FUT8: variants seen among roughly 807,000 people sequenced by gnomAD.
FUT8 encodes alpha-(1,6)-fucosyltransferase.
A neutral mutation model predicts 71.3 loss-of-function variants in FUT8; 29 were observed. The observed-to-expected ratio is 0.41, with a 90% CI of 0.30 to 0.55. FUT8 has a LOEUF of 0.55. FUT8 is among the 20% of genes least tolerant of loss of function. The pLI is 0.34. For synonymous variants in FUT8, 254 were observed against 239.3 expected, an observed-to-expected ratio of 1.06 and a Z score of -0.57; for missense variants, 544 against 702.1, an observed-to-expected ratio of 0.77 and a Z score of 2.55.
At chr14:65,450,169 A>G (rs1304042973) in intron 1 of FUT8, among the ~76,000 whole-genome samples, 1 of 152,024 alleles carries the variant, frequency 6.6e-6, no homozygotes, top group Non-Finnish European at 1.5e-5. Flanking sequence ...TTCTTTCCTC[A>G]TCTAGGGTAC....
At chr14:65,357,565 A>G in the FUT8 span, among the ~76,000 whole-genome samples, 1 of 152,178 alleles carries the variant, frequency 6.6e-6, no homozygotes, top group African/African-American at 2.4e-5. Context: ...ACACATCTCC[A>G]TCATAGGCTT....
In FUT8 at chr14:65,503,738, T is replaced by C. The variant is rs185873178; in HGVS notation, c.-228+48020T>C. The stretch of plus-strand genomic sequence containing the variant: ...TTTGTCTGTTGATACTATGTGAATG[T>C]TATCCTTAAGTTTTTAATTCAGGCT... On this transcript the variant is annotated intron_variant, in intron 2 of 10. Transcript: ENST00000673929. Among the ~76,000 whole-genome samples the C allele has an allele frequency of 1.2e-4, 18 of 152,322 alleles. 1 individual carries two copies. In the South Asian group the frequency reaches 1.9e-3, roughly 16 times the overall value.
intron 5 of FUT8, chr14:65,617,339 G>A: frequency 1.1e-6 from 1 of 917,042 alleles, no homozygotes; most frequent in Non-Finnish European, 1.5e-6. Flanking sequence ...TGATAGCATG[G>A]ATTTCAAGGG....
intron 7 of FUT8, among the ~76,000 whole-genome samples, chr14:65,714,449 T>G (rs1566911545): frequency 6.6e-6 from 1 of 151,098 alleles, no homozygotes; most frequent in African/African-American, 2.4e-5. Flanking sequence ...ATTTATTTAT[T>G]TATTTATTTA....
rs554956920 is a variant in FUT8, at chr14:65,670,532, A to G, written c.835+1052A>G. Among the ~76,000 whole-genome samples the G allele has an allele frequency of 4.9e-4, 74 of 152,302 alleles. No homozygotes were observed. In the South Asian group the frequency reaches 0.015, roughly 31 times the overall value. On this transcript the variant is annotated intron_variant, in intron 7 of 10. Transcript: ENST00000673929. ...TAAGTGATCAGGATAAATACTAAGC[A>G]AGACAGTACACATCCTCTGCACTCA...
the FUT8 span, among the ~76,000 whole-genome samples, chr14:65,370,512 G>A: frequency 6.6e-6 from 1 of 150,998 alleles, no homozygotes; most frequent in Non-Finnish European, 1.5e-5. Flanking sequence ...CCGGCCACAC[G>A]TAGTCTTTTT....
chr14:65,420,801 A>T (rs922999177), intron 1 of FUT8, among the ~76,000 whole-genome samples: 5 of 152,178 alleles, frequency 3.3e-5, no homozygotes, highest in African/African-American at 1.2e-4. Context: ...ACTACTGTTG[A>T]CTTCCAGCCT....
chr14:65,422,969 T>G (rs2065321501), intron 1 of FUT8, among the ~76,000 whole-genome samples: 1 of 149,088 alleles, frequency 6.7e-6, no homozygotes, highest in African/African-American at 2.5e-5. Flanking sequence ...CCTCAGTGAT[T>G]TTCTTTCTTT....
chr14:65,384,076 T>A, the FUT8 span, among the ~76,000 whole-genome samples: 1 of 147,690 alleles, frequency 6.8e-6, no homozygotes, highest in Non-Finnish European at 1.5e-5. The surrounding 1 kb of genome is among the most constrained non-coding windows in gnomAD (Gnocchi z 4.2). Flanking sequence ...CTCCAGCCAG[T>A]GTCTTTCACT....
At chr14:65,631,126 A>G (rs1479724629) in intron 6 of FUT8, among the ~76,000 whole-genome samples, 3 of 152,326 alleles carry the variant, frequency 2.0e-5, no homozygotes, top group Non-Finnish European at 4.4e-5. Flanking sequence ...GAAACACTTC[A>G]CCTCCTGTAG....
chr14:65,575,771 G>T (rs1161273967), intron 3 of FUT8, among the ~76,000 whole-genome samples: 1 of 151,874 alleles, frequency 6.6e-6, no homozygotes, highest in Non-Finnish European at 1.5e-5. Context: ...GGTGCGCGTT[G>T]CTGTGGCCTG....
intron 1 of FUT8, among the ~76,000 whole-genome samples, chr14:65,435,828 G>A (rs2065547932): frequency 6.7e-6 from 1 of 148,868 alleles, no homozygotes; most frequent in Admixed American, 6.7e-5. Context: ...TCTTATAATA[G>A]GTGTATAGTT....
chr14:65,618,350 TTTG>T (rs928037386), intron 5 of FUT8, among the ~76,000 whole-genome samples: 99 of 152,122 alleles, frequency 6.5e-4, no homozygotes, highest in African/African-American at 2.2e-3. Flanking sequence ...AGTTTTCCAT[TTTG>T]TTGTTGTTGT....
chr14:65,547,349 C>G (rs144087847), intron 2 of FUT8, among the ~76,000 whole-genome samples: 1 of 151,516 alleles, frequency 6.6e-6, no homozygotes, highest in East Asian at 1.9e-4. Flanking sequence ...AGTGTCCTTC[C>G]TTTTTTCTGC....
intron 3 of FUT8, among the ~76,000 whole-genome samples, chr14:65,570,056 T>C (rs917045569): frequency 1.3e-5 from 2 of 152,016 alleles, no homozygotes; most frequent in Non-Finnish European, 2.9e-5. Flanking sequence ...AGCATCTAAA[T>C]TTGACATACA....
intron 3 of FUT8, among the ~76,000 whole-genome samples, chr14:65,575,687 C>T (rs1340457859): frequency 6.6e-6 from 1 of 150,760 alleles, no homozygotes; most frequent in Non-Finnish European, 1.5e-5. Context: ...GGCACATTCT[C>T]TGCTTACTGC....
At chr14:65,592,772 T>C (rs1406217577) in intron 3 of FUT8, among the ~76,000 whole-genome samples, 2 of 152,176 alleles carry the variant, frequency 1.3e-5, no homozygotes, top group African/African-American at 4.8e-5. Flanking sequence ...CTGAATGTGT[T>C]GTCAGCATTG....
intron 7 of FUT8, among the ~76,000 whole-genome samples, chr14:65,705,524 G>C (rs918203980): frequency 1.3e-5 from 2 of 152,056 alleles, no homozygotes; most frequent in Non-Finnish European, 2.9e-5. Context: ...TTTTACTCTT[G>C]CCTCCTCTAA....
chr14:65,674,842 A>G (rs566687362), intron 7 of FUT8, among the ~76,000 whole-genome samples: 13 of 152,314 alleles, frequency 8.5e-5, no homozygotes, highest in African/African-American at 3.1e-4. Context: ...TTGGTACCAC[A>G]TATAGTTGAA....
Sources: allele counts gnomAD v4.1 joint callset (sites outside exome capture counted in the v4.1 genomes callset), GRCh38; gene constraint gnomAD v4.1.1; non-coding constraint Gnocchi (gnomAD v3.1); transcripts MANE v1.5; gene names NCBI Gene and HGNC (gene_info 2026-07-23, HGNC 2026-07-21).